Variants in TRPM3 observed in about 807,000 individuals in gnomAD.
The protein encoded by TRPM3 is long transient receptor potential channel 3.
In TRPM3, 77 loss-of-function variants were observed where a neutral mutation model predicts 181.2. The ratio of observed to expected loss-of-function variants is 0.42; its 90% CI spans 0.35 to 0.51. The LOEUF is 0.51. TRPM3 is among the 20% of genes least tolerant of loss of function. TRPM3 has a pLI of 0.01. For synonymous variants in TRPM3, 745 were observed against 796.4 expected, an observed-to-expected ratio of 0.94 and a Z score of 1.09; for missense variants, 1,759 against 2,196.7, an observed-to-expected ratio of 0.80 and a Z score of 3.98.
At position 70,856,050 on chromosome 9, in the gene TRPM3, A is replaced by G. The variant is rs566010705; in HGVS notation, c.462+6858T>C. On this transcript the variant is annotated intron_variant, in intron 3 of 25. Coordinates refer to ENST00000677713, the MANE Select transcript of TRPM3 (RefSeq NM_001366145.2). Reference sequence around the variant, plus strand: ...AGGGGATGGATGCTGACAAGCCACAACTCAAGGTTTAGAAATAATATAAAA... The same window carrying G: ...AGGGGATGGATGCTGACAAGCCACAGCTCAAGGTTTAGAAATAATATAAAA... Among the ~76,000 whole-genome samples the G allele has an allele frequency of 3.3e-5, 5 of 152,326 alleles. 1 individual carries two copies. The highest frequency in any genetic ancestry group is 1.2e-4 in the African/African-American group (5 of 41,564).
chr9:71,181,249 T>C (rs556092251), intron 1 of TRPM3, among the ~76,000 whole-genome samples: 5 of 152,138 alleles, frequency 3.3e-5, no homozygotes, highest in Non-Finnish European at 5.9e-5. Context: ...CTTCTATTAC[T>C]ACAGCTCACT....
At chr9:70,896,738 C>A (rs1395826972) in intron 1 of TRPM3, among the ~76,000 whole-genome samples, 1 of 151,430 alleles carries the variant, frequency 6.6e-6, no homozygotes, top group Non-Finnish European at 1.5e-5. Context: ...GTATATCACT[C>A]TTGGATCGAA....
At chr9:70,612,334 C>T (rs2062115647) in intron 18 of TRPM3, among the ~76,000 whole-genome samples, 1 of 152,110 alleles carries the variant, frequency 6.6e-6, no homozygotes, top group East Asian at 1.9e-4. Context: ...AACTTCAGGA[C>T]TGACAAGGAT....
At chr9:70,860,116 T>C (rs2095486610) in intron 3 of TRPM3, among the ~76,000 whole-genome samples, 1 of 152,234 alleles carries the variant, frequency 6.6e-6, no homozygotes, top group Non-Finnish European at 1.5e-5. Context: ...GTAGCTATTA[T>C]TTTCATAAAC....
At chr9:70,939,794 G>C (rs1373221505) in intron 1 of TRPM3, among the ~76,000 whole-genome samples, 1 of 152,074 alleles carries the variant, frequency 6.6e-6, no homozygotes, top group South Asian at 2.1e-4. Context: ...CTTCTACTTG[G>C]CATTCTCATC....
At chr9:71,300,302 A>G (rs2086653317) in intron 1 of TRPM3, among the ~76,000 whole-genome samples, 1 of 152,098 alleles carries the variant, frequency 6.6e-6, no homozygotes. Context: ...TAATGACACT[A>G]TCATGGAAGC....
chr9:70,968,693 C>T (rs956945501), intron 1 of TRPM3, among the ~76,000 whole-genome samples: 2 of 151,916 alleles, frequency 1.3e-5, no homozygotes, highest in Non-Finnish European at 2.9e-5. Context: ...GTTTATGTGT[C>T]GGGGCTGTGA....
chr9:70,616,957 C>T (rs1004702916), intron 17 of TRPM3, among the ~76,000 whole-genome samples: 1 of 152,144 alleles, frequency 6.6e-6, no homozygotes, highest in Non-Finnish European at 1.5e-5. Flanking sequence ...AATCCTAAAA[C>T]AATTCTGGGG....
intron 1 of TRPM3, among the ~76,000 whole-genome samples, chr9:71,439,417 T>C (rs1331099014): frequency 1.3e-5 from 2 of 152,204 alleles, no homozygotes; most frequent in Admixed American, 6.5e-5. Flanking sequence ...TCAATACACT[T>C]AATGTTCATA....
intron 1 of TRPM3, among the ~76,000 whole-genome samples, chr9:70,961,982 C>T (rs900449008): frequency 1.3e-5 from 2 of 151,736 alleles, no homozygotes; most frequent in Non-Finnish European, 2.9e-5. Context: ...GATTACTGAT[C>T]AATAATAGAA....
At chr9:70,999,910 T>C (rs1463440184) in intron 1 of TRPM3, among the ~76,000 whole-genome samples, 1 of 152,152 alleles carries the variant, frequency 6.6e-6, no homozygotes, top group Non-Finnish European at 1.5e-5. Context: ...AGTGTGCTCT[T>C]TTTCTCTGTC....
chr9:71,377,016 C>T (rs549476690), intron 1 of TRPM3, among the ~76,000 whole-genome samples: 65 of 152,200 alleles, frequency 4.3e-4, no homozygotes, highest in Middle Eastern at 6.8e-3. Context: ...ATAGCTGCCA[C>T]GTGCCATGAA....
At chr9:70,655,305 C>CA (rs1169901529) in intron 9 of TRPM3, among the ~76,000 whole-genome samples, 1,007 of 33,036 alleles carry the variant, frequency 0.03, 85 homozygotes, top group Non-Finnish European at 0.039. Flanking sequence ...GACTCCGTCT[C>CA]AAAAAAAAAA....
At chr9:71,185,386 C>T (rs1184642163) in intron 1 of TRPM3, among the ~76,000 whole-genome samples, 1 of 152,100 alleles carries the variant, frequency 6.6e-6, no homozygotes, top group African/African-American at 2.4e-5. Context: ...CTACAAATAT[C>T]TTTATTTTCA....
intron 8 of TRPM3, among the ~76,000 whole-genome samples, chr9:70,682,941 A>G (rs10868872): frequency 0.29 from 43,965 of 152,040 alleles, 6,610 homozygotes; most frequent in South Asian, 0.33. Context: ...GTGAGAATAG[A>G]CACACAGAAC....
chr9:70,742,813 C>T (rs1372442157), intron 8 of TRPM3, among the ~76,000 whole-genome samples: 2 of 152,070 alleles, frequency 1.3e-5, no homozygotes, highest in Non-Finnish European at 1.5e-5. Flanking sequence ...CTTGATGAGG[C>T]TTTATCAGTT....
intron 3 of TRPM3, among the ~76,000 whole-genome samples, chr9:70,853,292 T>C (rs1329528500): frequency 1.3e-5 from 2 of 152,320 alleles, no homozygotes; most frequent in East Asian, 3.9e-4. Context: ...CTGGTGGCTC[T>C]AGATGGGGCT....
chr9:70,784,451 G>A (rs1422055612), intron 6 of TRPM3, among the ~76,000 whole-genome samples, 172 bp from the exon 7 acceptor site: 1 of 152,136 alleles, frequency 6.6e-6, no homozygotes, highest in Non-Finnish European at 1.5e-5. Flanking sequence ...AAACCCTTCA[G>A]CCAAATTTTC....
At chr9:70,586,405 T>C (rs1053410066) in intron 22 of TRPM3, among the ~76,000 whole-genome samples, 67 of 152,402 alleles carry the variant, frequency 4.4e-4, no homozygotes, top group African/African-American at 1.6e-3. Flanking sequence ...AAGTCCTGTC[T>C]GCAGATAGCT....
Sources: allele counts gnomAD v4.1 joint callset (sites outside exome capture counted in the v4.1 genomes callset), GRCh38; gene constraint gnomAD v4.1.1; transcripts MANE v1.5; gene names NCBI Gene and HGNC (gene_info 2026-07-23, HGNC 2026-07-21).